The following CSRNP3 variants were observed in gnomAD, a reference collection of about 807,000 sequenced individuals.
CSRNP3 encodes cysteine/serine-rich nuclear protein 3.
In CSRNP3, 12 loss-of-function variants were observed where a neutral mutation model predicts 48.0. The observed-to-expected ratio is 0.25, with a 90% CI of 0.16 to 0.41. The LOEUF (loss-of-function observed/expected upper bound fraction) is 0.41. Among genes scored for constraint, CSRNP3 ranks in the 10% least tolerant of loss-of-function variants. The pLI is 1.00. For missense variants in CSRNP3, 580 were observed against 724.4 expected, an observed-to-expected ratio of 0.80 and a Z score of 2.29; for synonymous variants, 263 against 269.7, an observed-to-expected ratio of 0.98 and a Z score of 0.24.
chr2:165,591,531 C>T (rs989171755), intron 3 of CSRNP3, among the ~76,000 whole-genome samples: 1 of 152,168 alleles, frequency 6.6e-6, no homozygotes, highest in African/African-American at 2.4e-5. Context: ...ATCACAAGCC[C>T]AGAGGCCTAG....
At chr2:165,652,974 T>C (rs930870362) in intron 4 of CSRNP3, among the ~76,000 whole-genome samples, 1 of 152,212 alleles carries the variant, frequency 6.6e-6, no homozygotes, top group African/African-American at 2.4e-5. Context: ...CTTAATCTTC[T>C]TGGAAAGGGC....
At chr2:165,489,884 G>T (rs1222100144) in intron 1 of CSRNP3, among the ~76,000 whole-genome samples, 14 of 141,888 alleles carry the variant, frequency 9.9e-5, no homozygotes, top group Non-Finnish European at 2.0e-4. Context: ...TTGAAAACTG[G>T]CACAAGACAG....
intron 2 of CSRNP3, among the ~76,000 whole-genome samples, chr2:165,498,092 A>G (rs975533846): frequency 3.3e-5 from 5 of 152,086 alleles, no homozygotes; most frequent in African/African-American, 1.2e-4. Context: ...CCTTTCTGTA[A>G]GTAAGTGACA....
intron 4 of CSRNP3, among the ~76,000 whole-genome samples, chr2:165,625,913 CA>C (rs71028496): frequency 6.7e-4 from 82 of 123,202 alleles, no homozygotes; most frequent in Non-Finnish European, 7.1e-4. Flanking sequence ...AACTCCATCT[CA>C]AAAAAAAAAA....
At chr2:165,665,204 A>T (rs1163352275) in intron 5 of CSRNP3, among the ~76,000 whole-genome samples, 1 of 152,122 alleles carries the variant, frequency 6.6e-6, no homozygotes, top group Non-Finnish European at 1.5e-5. Context: ...AGGGAGAAAC[A>T]TTGCCAGGGT....
chr2:165,542,001 C>T (rs1684964233), intron 3 of CSRNP3, among the ~76,000 whole-genome samples: 1 of 152,152 alleles, frequency 6.6e-6, no homozygotes, highest in Admixed American at 6.6e-5. Context: ...AAACTCTGTT[C>T]ACCACAGCAC....
At chr2:165,572,300 T>C (rs926948304) in intron 3 of CSRNP3, 3 of 152,028 alleles carry the variant, frequency 2.0e-5, no homozygotes, top group African/African-American at 7.2e-5. Context: ...CACGCCTGGC[T>C]CTCTCAGACA....
intron 3 of CSRNP3, among the ~76,000 whole-genome samples, chr2:165,561,750 T>C (rs1332142598): frequency 1.3e-5 from 2 of 152,170 alleles, no homozygotes; most frequent in Non-Finnish European, 2.9e-5. Context: ...ACGGAAAGAA[T>C]AGACAGTTGT....
chr2:165,550,593 G>A (rs1158868372), intron 3 of CSRNP3, among the ~76,000 whole-genome samples: 1 of 152,186 alleles, frequency 6.6e-6, no homozygotes, highest in Non-Finnish European at 1.5e-5. Context: ...CCAAAAAAAG[G>A]CTTCATTTGC....
At position 165,687,461 on chromosome 2, in the gene CSRNP3, A is replaced by G. The variant is rs1687648139; in HGVS notation, c.*7708A>G. On this transcript the variant is annotated 3_prime_UTR_variant, in exon 7 of 7. Coordinates refer to ENST00000651982, the MANE Select transcript of CSRNP3 (RefSeq NM_001172173.2). ...CTGTTCCATTTTCTAAGAAGTTACAATTACAAAAAGTAAGCATTTTCTACA... is the reference window on the plus strand; with the variant it reads ...CTGTTCCATTTTCTAAGAAGTTACAGTTACAAAAAGTAAGCATTTTCTACA... The G allele has an allele frequency of 6.6e-6, 1 of 152,130 alleles. No homozygotes were observed. Among genetic ancestry groups the G allele is most frequent in the African/African-American group, 2.4e-5 (1 of 41,442 alleles). 9.4% of individuals were successfully genotyped at this position (152,130 alleles called of 1,614,324 possible). A position where few individuals can be genotyped will look rare whatever the true frequency, so the allele number is the denominator to read the frequency against.
At chr2:165,670,958 A>G (rs1687318404) in intron 5 of CSRNP3, among the ~76,000 whole-genome samples, 1 of 152,204 alleles carries the variant, frequency 6.6e-6, no homozygotes. Context: ...GATTGGCAGT[A>G]TCTACTTGAG....
chr2:165,672,609 A>G (rs1291468398), intron 5 of CSRNP3, among the ~76,000 whole-genome samples: 1 of 152,190 alleles, frequency 6.6e-6, no homozygotes, highest in African/African-American at 2.4e-5. Flanking sequence ...CAGCCAGACC[A>G]TATCATGCAT....
intron 1 of CSRNP3, among the ~76,000 whole-genome samples, chr2:165,492,664 C>T (rs1483975462): frequency 1.4e-5 from 2 of 139,382 alleles, no homozygotes; most frequent in African/African-American, 2.7e-5. Context: ...TTTATATTTT[C>T]TTCTTATTAT....
intron 2 of CSRNP3, among the ~76,000 whole-genome samples, chr2:165,499,550 G>C (rs895373142): frequency 6.6e-5 from 10 of 152,058 alleles, no homozygotes; most frequent in Non-Finnish European, 1.5e-4. Context: ...AATACGCTGG[G>C]AATGTTTTAG....
chr2:165,666,115 G>A (rs1366003562), intron 5 of CSRNP3, among the ~76,000 whole-genome samples: 1 of 131,150 alleles, frequency 7.6e-6, no homozygotes, highest in Non-Finnish European at 1.7e-5. Context: ...GAAAGAAAGA[G>A]AGAGAGAAAG....
intron 3 of CSRNP3, among the ~76,000 whole-genome samples, chr2:165,555,978 A>G (rs1685156248): frequency 6.6e-6 from 1 of 152,072 alleles, no homozygotes; most frequent in Admixed American, 6.5e-5. Flanking sequence ...GTCTCTCAGG[A>G]GTTTAGCAGG....
At chr2:165,621,188 G>A (rs964424682) in intron 4 of CSRNP3, among the ~76,000 whole-genome samples, 1 of 151,922 alleles carries the variant, frequency 6.6e-6, no homozygotes, top group Non-Finnish European at 1.5e-5. Flanking sequence ...TTGTAGTCCC[G>A]GGCATTGTAT....
chr2:165,626,823 C>A (rs1686443950), intron 4 of CSRNP3, among the ~76,000 whole-genome samples: 1 of 152,178 alleles, frequency 6.6e-6, no homozygotes, highest in Non-Finnish European at 1.5e-5. Flanking sequence ...CTTCGCAAAC[C>A]AAGAAATATC....
chr2:165,578,396 C>T (rs1685486959), intron 3 of CSRNP3, among the ~76,000 whole-genome samples: 1 of 152,004 alleles, frequency 6.6e-6, no homozygotes, highest in Admixed American at 6.6e-5. Flanking sequence ...ACAGCTGAAT[C>T]GTCAACCACC....
Sources: allele counts gnomAD v4.1 joint callset (sites outside exome capture counted in the v4.1 genomes callset), GRCh38; gene constraint gnomAD v4.1.1; transcripts MANE v1.5; gene names NCBI Gene and HGNC (gene_info 2026-07-23, HGNC 2026-07-21).